Variants in EFCAB6 observed in about 807,000 individuals in gnomAD.
EFCAB6 encodes the protein EF-hand calcium binding domain 6.
Under a neutral mutation model 169.8 loss-of-function variants are expected in EFCAB6, and 156 were observed. The ratio of observed to expected loss-of-function variants is 0.92; its 90% CI spans 0.81 to 1.05. The LOEUF is 1.05. EFCAB6 is among the 50% of genes least tolerant of loss of function. The probability of loss-of-function intolerance (pLI) is 0.00; values close to 1 mark genes in which losing one functional copy is unlikely to be tolerated. For missense variants in EFCAB6, 1,800 were observed against 1,829.1 expected (o/e 0.98, Z 0.29); for synonymous variants, 698 against 676.4 (o/e 1.03, Z -0.50).
intron 26 of EFCAB6, among the ~76,000 whole-genome samples, chr22:43,562,394 T>A (rs1348887229): frequency 1.3e-5 from 2 of 152,204 alleles, no homozygotes; most frequent in Non-Finnish European, 2.9e-5. Flanking sequence ...TATCCATGTA[T>A]CTTGCTAGTA....
At chr22:43,673,150 C>T (rs1223242440) in intron 13 of EFCAB6, among the ~76,000 whole-genome samples, 1 of 152,128 alleles carries the variant, frequency 6.6e-6, no homozygotes, top group East Asian at 1.9e-4. Context: ...TGATAATTTA[C>T]AGACTCTACA....
intron 27 of EFCAB6, among the ~76,000 whole-genome samples, chr22:43,544,917 T>C (rs563369156): frequency 6.6e-6 from 1 of 151,868 alleles, no homozygotes; most frequent in South Asian, 2.1e-4. Context: ...GGTCAGGAGA[T>C]CGAGACCATC....
At chr22:43,770,645 A>G (rs1370261567) in intron 4 of EFCAB6, among the ~76,000 whole-genome samples, 1 of 152,232 alleles carries the variant, frequency 6.6e-6, no homozygotes. Context: ...GAAGATGATA[A>G]GAGTCGGTGA....
chr22:43,564,760 C>A (rs1010085371), intron 26 of EFCAB6, among the ~76,000 whole-genome samples: 4 of 152,204 alleles, frequency 2.6e-5, no homozygotes, highest in African/African-American at 9.6e-5. Flanking sequence ...CAGTAAAGAG[C>A]CCTCTAATAT....
intron 13 of EFCAB6, among the ~76,000 whole-genome samples, chr22:43,672,711 G>T (rs11703827): frequency 0.047 from 7,106 of 151,946 alleles, 189 homozygotes; most frequent in African/African-American, 0.055. Context: ...TTCACCCTCA[G>T]GAGAATGAGG....
intron 8 of EFCAB6, among the ~76,000 whole-genome samples, chr22:43,718,452 C>T (rs2059410540): frequency 6.6e-6 from 1 of 152,140 alleles, no homozygotes. Context: ...AAAAAGATCC[C>T]TCTGGGCTAT....
At chr22:43,772,790 G>C in intron 4 of EFCAB6, 102 bp downstream of exon 4, 1 of 1,290,812 alleles carries the variant, frequency 7.7e-7, no homozygotes, top group South Asian at 1.4e-5. Context: ...CAACTGCTCA[G>C]TGGCAACAGT....
chr22:43,800,188 C>A (rs1045505446), intron 2 of EFCAB6, among the ~76,000 whole-genome samples: 1 of 152,206 alleles, frequency 6.6e-6, no homozygotes, highest in Non-Finnish European at 1.5e-5. Flanking sequence ...CCCTACCCAA[C>A]CTTCCCACGC....
At chr22:43,777,283 G>T (rs550648194) in intron 3 of EFCAB6, among the ~76,000 whole-genome samples, 1 of 152,184 alleles carries the variant, frequency 6.6e-6, no homozygotes, top group African/African-American at 2.4e-5. Flanking sequence ...AGAAAGGTCC[G>T]CGAGGCAACT....
rs142060078 is a variant in EFCAB6 at position 43,750,643 on chromosome 22, TTTTTG to T, written c.507+5118_507+5122del. ...GCCTCATTTTGAGCTTGACACAGCC[TTTTTG>T]TTAGGCAAACAGACTGCATTCCTGT... is the stretch of plus-strand genomic sequence containing the variant. On this transcript the variant is annotated intron_variant, in intron 6 of 31. Coordinates refer to ENST00000262726, the MANE Select transcript of EFCAB6 (RefSeq NM_022785.4). 2.6e-3 allele frequency among the ~76,000 whole-genome samples: 397 copies of T among 151,368 alleles called. 6 individuals are homozygous for T. In the East Asian group the frequency reaches 0.04, roughly 15 times the overall value.
chr22:43,760,159 G>A (rs563953246), intron 5 of EFCAB6, among the ~76,000 whole-genome samples: 3 of 135,202 alleles, frequency 2.2e-5, no homozygotes, highest in South Asian at 4.6e-4. Flanking sequence ...AGCTGAGATC[G>A]CACCACTGCA....
rs149693560 is a variant in EFCAB6 at position 43,711,618 on chromosome 22, C to T, written c.888G>A (p.Ser296=). 4.9e-5 allele frequency: 78 copies of T among 1,578,400 alleles called. No individual in the cohort carries two copies. In the African/African-American group the frequency reaches 5.7e-4, roughly 11 times the overall value. ...EIERNFCLQL[S]KSYEKVEKAL... ...CCTTTTCAACCTTTTCATAAGACTT[C>T]GAAAGCTGCAATAAATTGAAATTAG... Residue 296 remains serine, a synonymous_variant, in exon 10 of 32, where the codon TCG becomes TCA. Coordinates refer to ENST00000262726, the MANE Select transcript of EFCAB6 (RefSeq NM_022785.4).
chr22:43,617,583 T>C (rs1197610659), intron 20 of EFCAB6, among the ~76,000 whole-genome samples: 1 of 152,252 alleles, frequency 6.6e-6, no homozygotes, highest in Non-Finnish European at 1.5e-5. Context: ...GGAGGTTTTC[T>C]GGTGGTTACT....
intron 30 of EFCAB6, among the ~76,000 whole-genome samples, chr22:43,532,441 C>T (rs969034521): frequency 3.3e-5 from 5 of 152,214 alleles, no homozygotes; most frequent in East Asian, 3.9e-4. Context: ...CCCAGGGAGG[C>T]GGAGGAAGGA....
intron 24 of EFCAB6, among the ~76,000 whole-genome samples, chr22:43,587,594 G>C (rs1486917139): frequency 6.6e-6 from 1 of 152,038 alleles, no homozygotes; most frequent in East Asian, 1.9e-4. Context: ...CTTTGTCTGT[G>C]TCAAATCTCC....
chr22:43,716,696 T>C, intron 9 of EFCAB6, 152 bp downstream of exon 9: 1 of 786,728 alleles, frequency 1.3e-6, no homozygotes, highest in Non-Finnish European at 1.8e-6. Context: ...GTATTGCTGT[T>C]ATTGGGAGGT....
At chr22:43,662,815 T>C (rs945112508) in intron 17 of EFCAB6, among the ~76,000 whole-genome samples, 1 of 152,190 alleles carries the variant, frequency 6.6e-6, no homozygotes, top group African/African-American at 2.4e-5. Context: ...CTCTACTACA[T>C]GCAGCAAGCC....
intron 2 of EFCAB6, among the ~76,000 whole-genome samples, chr22:43,798,825 A>G (rs183989296): frequency 1.3e-5 from 2 of 152,250 alleles, no homozygotes; most frequent in East Asian, 3.9e-4. Context: ...AGTGATGTCA[A>G]TTTTACTTGG....
intron 5 of EFCAB6, among the ~76,000 whole-genome samples, chr22:43,760,654 C>T (rs985021946): frequency 3.8e-5 from 4 of 105,530 alleles, no homozygotes; most frequent in Non-Finnish European, 5.8e-5. Flanking sequence ...GGAGTAGGTG[C>T]ATTTTTTTTT....
Sources: gnomAD v4.1 joint callset for allele counts (sites outside exome capture counted in the v4.1 genomes callset) on GRCh38, gnomAD v4.1.1 for gene constraint, MANE v1.5 for transcripts, NCBI Gene and HGNC (gene_info 2026-07-23, HGNC 2026-07-21) for gene names.